Variants in PSG3 observed in about 807,000 individuals in gnomAD.
PSG3 encodes the protein pregnancy specific beta-1-glycoprotein 3, also known as pregnancy-specific beta-1-glycoprotein 3.
In PSG3, 61 loss-of-function variants were observed where a neutral mutation model predicts 47.5. The observed-to-expected ratio is 1.28, with a 90% CI of 1.05 to 1.59. The LOEUF is 1.59. Among genes scored for constraint, PSG3 ranks in the 40% most tolerant of loss-of-function variants. PSG3 has a pLI of 0.00. For missense variants in PSG3, 756 were observed against 524.0 expected (o/e 1.44, Z -4.32); for synonymous variants, 263 against 198.4 (o/e 1.33, Z -2.74).
intron 2 of PSG3, among the ~76,000 whole-genome samples, chr19:42,736,682 C>G (rs189615627): frequency 4.1e-5 from 6 of 146,798 alleles, no homozygotes; most frequent in East Asian, 2.0e-4. Flanking sequence ...AAGAACTTGT[C>G]TGGCAATTAT....
rs144459535 is a variant in PSG3, at chr19:42,730,051, G to C, written c.715C>G (p.Leu239Val). The C allele has an allele frequency of 2.4e-5, 39 of 1,611,948 alleles. No individual in the cohort carries two copies. In the African/African-American group the frequency reaches 5.1e-4, roughly 21 times the overall value. ...DPVTLNLLPK[L>V]PKPYITINNL... The stretch of plus-strand genomic sequence containing the variant: ...TTGATGGTGATGTAGGGCTTGGGCA[G>C]CTTCGCTGTGTGGATAACAGAGAGA... The change falls in exon 4 of 7, where the codon CTG becomes GTG. Residue 239 changes from leucine (L) to valine (V), a missense_variant. Transcript: ENST00000327495.
At chr19:42,724,080 G>A (rs377449269) in intron 5 of PSG3, 55 bp from the exon 6 acceptor site, 10 of 1,548,734 alleles carry the variant, frequency 6.5e-6, no homozygotes, top group East Asian at 2.2e-5. Flanking sequence ...TTTACATGGG[G>A]GAGCCTCAGG....
At chr19:42,727,490 A>C (rs1428494642) in intron 5 of PSG3, among the ~76,000 whole-genome samples, 6 of 152,236 alleles carry the variant, frequency 3.9e-5, no homozygotes, top group East Asian at 1.9e-4. Context: ...TACAAATATC[A>C]AATAAGCCCA....
rs1476864817 is a variant in PSG3 at position 42,729,334 on chromosome 19, G to A, written c.1032C>T (p.Tyr344=). Residue 344 remains tyrosine (Y), a synonymous_variant, in exon 5 of 7, where the codon TAC becomes TAT. Coordinates refer to ENST00000327495, the MANE Select transcript of PSG3 (RefSeq NM_021016.4). ...LPRIYPSFTY[Y]HSGENLYLSC... ...ACAAGTAGAGGTTTTCTCCTGAATG[G>A]TAATAGGTGAATGAAGGGTAAATTC... 3.7e-6 allele frequency: 6 copies of A among 1,614,106 alleles called. No individual in the cohort carries two copies. Among genetic ancestry groups the A allele is most frequent in the Admixed American group, 1.7e-5 (1 of 60,026 alleles).
chr19:42,727,770 G>A lies in PSG3; in HGVS notation c.1243+1353C>T, dbSNP rs180799178. Among the ~76,000 whole-genome samples the A allele has an allele frequency of 3.4e-4, 52 of 152,226 alleles. No individual in the cohort carries two copies. In the East Asian group the frequency reaches 0.01, roughly 29 times the overall value. On this transcript the variant is annotated intron_variant, in intron 5 of 6. Transcript: ENST00000327495. ...CATTTGATCCAGCAATTCCACTTCT[G>A]GACATAATCCCCATAGAATTGAAAG...
At chr19:42,736,657 T>G (rs927068389) in intron 2 of PSG3, among the ~76,000 whole-genome samples, 65 of 123,538 alleles carry the variant, frequency 5.3e-4, no homozygotes, top group African/African-American at 1.8e-3. Flanking sequence ...TGTGTGTGTG[T>G]GTGCAGGAGG....
At chr19:42,726,803 C>T (rs1386156309) in intron 5 of PSG3, among the ~76,000 whole-genome samples, 1 of 152,136 alleles carries the variant, frequency 6.6e-6, no homozygotes, top group African/African-American at 2.4e-5. Context: ...ATTTATATTG[C>T]ATCTCATGAC....
chr19:42,725,115 C>A (rs1161965299), intron 5 of PSG3, among the ~76,000 whole-genome samples: 1 of 152,090 alleles, frequency 6.6e-6, no homozygotes, highest in Non-Finnish European at 1.5e-5. Context: ...GACCTCTAGG[C>A]TAATGATGAT....
chr19:42,740,012 G>A (rs1600393685), intron 1 of PSG3, among the ~76,000 whole-genome samples: 1 of 151,668 alleles, frequency 6.6e-6, no homozygotes, highest in Non-Finnish European at 1.5e-5. Context: ...GCGTGCAGTG[G>A]CACTATCTCG....
At chr19:42,733,367 G>A (rs2353148) in intron 2 of PSG3, 2 of 416,112 alleles carry the variant, frequency 4.8e-6, no homozygotes, top group South Asian at 3.7e-5. Context: ...CCTCCATCTC[G>A]AAGTGCCTGC....
chr19:42,732,735 G>C, intron 3 of PSG3, 49 bp downstream of exon 3: 1 of 1,614,140 alleles, frequency 6.2e-7, no homozygotes, highest in Admixed American at 1.7e-5. Flanking sequence ...CTCTGGCCAC[G>C]TGTATTTGGG....
At chr19:42,729,036 G>A (rs1341384694) in intron 5 of PSG3, 87 bp downstream of exon 5, 8 of 1,607,210 alleles carry the variant, frequency 5.0e-6, no homozygotes, top group Non-Finnish European at 6.8e-6. Context: ...CACAGGCTGG[G>A]AATAAAAATG....
intron 3 of PSG3, among the ~76,000 whole-genome samples, chr19:42,730,651 GT>G (rs963493278): frequency 6.6e-6 from 1 of 152,220 alleles, no homozygotes; most frequent in African/African-American, 2.4e-5. Context: ...AGGTGGGGCA[GT>G]TTTTTGCAGG....
chr19:42,726,344 TA>T (rs776938804), intron 5 of PSG3, among the ~76,000 whole-genome samples: 6 of 151,906 alleles, frequency 3.9e-5, no homozygotes, highest in Non-Finnish European at 7.4e-5. Context: ...AAGGAAGGAG[TA>T]AAATTATTTC....
chr19:42,729,234 T>C lies in PSG3; in HGVS notation c.1132A>G (p.Lys378Glu). The C allele has an allele frequency of 6.2e-7, 1 of 1,614,044 alleles. No homozygotes were observed. The highest frequency in any genetic ancestry group is 8.5e-7 in the Non-Finnish European group (1 of 1,179,904). The change falls in exon 5 of 7, where the codon AAG becomes GAG. Residue 378 changes from lysine to glutamate, a missense_variant. Physicochemically the swap from Lys to Glu is moderately conservative, Grantham distance 56. Coordinates refer to ENST00000327495, the MANE Select transcript of PSG3 (RefSeq NM_021016.4). Reference protein sequence around the residue: ...INGKFQLSGQKLFIPQITTKH... With the variant: ...INGKFQLSGQELFIPQITTKH... ...GTAGTAATCTGGGGGATAAAGAGCT[T>C]TTGTCCTGATAGCTGAAACTTCCCA...
intron 2 of PSG3, among the ~76,000 whole-genome samples, chr19:42,736,605 A>T (rs1288227981): frequency 1.5e-5 from 2 of 131,056 alleles, no homozygotes; most frequent in Admixed American, 8.0e-5. Flanking sequence ...CCACCATTTC[A>T]ATACATTTGT....
At chr19:42,730,078 G>C in intron 3 of PSG3, 22 bp from the exon 4 acceptor site, 1 of 1,608,056 alleles carries the variant, frequency 6.2e-7, no homozygotes, top group Non-Finnish European at 8.5e-7. Flanking sequence ...ACAGAGAGAA[G>C]ATTGTCCTGT....
Position 42,732,959 on chromosome 19 carries a change from G to A in PSG3, c.534C>T (p.Tyr178=). 6.2e-7 allele frequency: 1 copy of A among 1,614,132 alleles called. No individual in the cohort carries two copies. Among genetic ancestry groups the A allele is most frequent in the Non-Finnish European group, 8.5e-7 (1 of 1,180,022 alleles). Reference sequence around the variant, plus strand: ...GGCTCTGACCATTCATCCACCACAGGTAGCTTGCGTCCGGAGTCTCAGGAT... The same window carrying A: ...GGCTCTGACCATTCATCCACCACAGATAGCTTGCGTCCGGAGTCTCAGGAT... ...TCDPETPDAS[Y]LWWMNGQSLP... is the part of the protein sequence containing the mutation. The change falls in exon 3 of 7, where the codon TAC becomes TAT. Residue 178 remains tyrosine, a synonymous_variant. Transcript: ENST00000327495.
chr19:42,732,967 C>G lies in PSG3; in HGVS notation c.526G>C (p.Ala176Pro), dbSNP rs754326742. 3 of 1,614,122 alleles carry G rather than the reference C, an allele frequency of 1.9e-6. No homozygotes were observed. The highest frequency in any genetic ancestry group is 1.7e-5 in the Admixed American group (1 of 60,018). ...SLTCDPETPD[A>P]SYLWWMNGQS... ...CCATTCATCCACCACAGGTAGCTTG[C>G]GTCCGGAGTCTCAGGATCACAGGTT... The change falls in exon 3 of 7, where the codon GCA (alanine) becomes CCA (proline). Residue 176 changes from alanine to proline, a missense_variant. Physicochemically the swap from Ala to Pro is conservative, Grantham distance 27. Coordinates refer to ENST00000327495, the MANE Select transcript of PSG3 (RefSeq NM_021016.4).
Sources: gnomAD v4.1 joint callset for allele counts (sites outside exome capture counted in the v4.1 genomes callset) on GRCh38, gnomAD v4.1.1 for gene constraint, MANE v1.5 for transcripts, NCBI Gene and HGNC (gene_info 2026-07-23, HGNC 2026-07-21) for gene names.